Variants in SLC39A4 observed in about 807,000 individuals in gnomAD.
SLC39A4 encodes zinc transporter ZIP4.
Under a neutral mutation model 56.6 loss-of-function variants are expected in SLC39A4, and 49 were observed. That is an observed-to-expected ratio of 0.87 (90% CI 0.69 to 1.10). The LOEUF (loss-of-function observed/expected upper bound fraction) is 1.10, where lower values mean the gene tolerates loss of function less well. SLC39A4 is among the 50% of genes least tolerant of loss of function. The pLI is 0.00. For synonymous variants in SLC39A4, 540 were observed against 420.4 expected (o/e 1.28, Z -3.48); for missense variants, 993 against 864.2 (o/e 1.15, Z -1.87).
In SLC39A4 at chr8:144,414,028, A is replaced by T; in HGVS notation, c.1217T>A (p.Met406Lys). The T allele has an allele frequency of 6.3e-7, 1 of 1,594,488 alleles. No individual in the cohort carries two copies. The highest frequency in any genetic ancestry group is 8.5e-7 in the Non-Finnish European group (1 of 1,170,346). The change falls in exon 7 of 12, where the codon ATG becomes AAG. Residue 406 changes from methionine (M) to lysine (K), a missense_variant. By Grantham distance (95) the Met-to-Lys change is moderately conservative (BLOSUM62 -1). Coordinates refer to ENST00000301305, the MANE Select transcript of SLC39A4 (RefSeq NM_130849.4). Reference sequence around the variant, plus strand: ...GAAGAAGGCGTAGAGCCCGGCCAGCATAGCCAGGAGGCGCCAGGTGGGCTG... The same window carrying T: ...GAAGAAGGCGTAGAGCCCGGCCAGCTTAGCCAGGAGGCGCCAGGTGGGCTG... ...SPQPTWRLLAMLAGLYAFFLF... is the reference protein window; with the variant it reads ...SPQPTWRLLAKLAGLYAFFLF...
Position 144,414,910 on chromosome 8 carries a change from G to A in SLC39A4, c.805-14C>T. Reference sequence around the variant, plus strand: ...ACTCAGGCATACCTGGGGGGTGGCAGGACAGGCTCAGGGGCCCAAGCAGAC... The same window carrying A: ...ACTCAGGCATACCTGGGGGGTGGCAAGACAGGCTCAGGGGCCCAAGCAGAC... On this transcript the variant is annotated splice_polypyrimidine_tract_variant and intron_variant, in intron 4 of 11. Transcript: ENST00000301305. 6.2e-7 allele frequency: 1 copy of A among 1,613,202 alleles called. No homozygotes were observed. Among genetic ancestry groups the A allele is most frequent in the Non-Finnish European group, 8.5e-7 (1 of 1,179,930 alleles).
chr8:144,415,945 G>A lies in SLC39A4; in HGVS notation c.339C>T (p.Asp113=), dbSNP rs374534193. Reference sequence around the variant, plus strand: ...GAGAGGCCCAGAGGCCAGCCCGAGCGTCCTCACAGGTGCCCTCGGGGTTGC... The same window carrying A: ...GAGAGGCCCAGAGGCCAGCCCGAGCATCCTCACAGGTGCCCTCGGGGTTGC... ...YLSNPEGTCE[D]ARAGLWASHA... The change falls in exon 2 of 12, where the codon GAC becomes GAT. Residue 113 remains aspartate (D), a synonymous_variant. Coordinates refer to ENST00000301305, the MANE Select transcript of SLC39A4 (RefSeq NM_130849.4). The A allele has an allele frequency of 1.0e-4, 164 of 1,594,430 alleles. No homozygotes were observed. In the African/African-American group the frequency reaches 1.1e-3, roughly 11 times the overall value.
At position 144,413,806 on chromosome 8, in the gene SLC39A4, C is replaced by G. The variant is rs782432121; in HGVS notation, c.1363G>C (p.Ala455Pro). 22 of 1,569,520 alleles carry G rather than the reference C, an allele frequency of 1.4e-5. No individual in the cohort carries two copies. In the South Asian group the frequency reaches 2.4e-4, roughly 17 times the overall value. Reference sequence around the variant, plus strand: ...TTGGGCTGCCGGAGCTCGCTGGGTGCCAGCTGCAGGGACACACCGTGGCTG... The same window carrying G: ...TTGGGCTGCCGGAGCTCGCTGGGTGGCAGCTGCAGGGACACACCGTGGCTG... The part of the protein sequence containing the change: ...GHSHGVSLQL[A>P]PSELRQPKPP... Residue 455 changes from alanine to proline, a missense_variant, in exon 8 of 12, where the codon GCA (alanine) becomes CCA (proline). Physicochemically the swap from Ala to Pro is conservative, Grantham distance 27. Coordinates refer to ENST00000301305, the MANE Select transcript of SLC39A4 (RefSeq NM_130849.4).
chr8:144,415,274 T>G lies in SLC39A4; in HGVS notation c.620A>C (p.Asp207Ala). The change falls in exon 3 of 12, where the codon GAC (aspartate) becomes GCC (alanine). Residue 207 changes from aspartate (D) to alanine (A), a missense_variant. By Grantham distance (126) the Asp-to-Ala change is moderately radical (BLOSUM62 -2). Transcript: ENST00000301305. ...HALPSPQYFV[D>A]FVFQQHSSEV... ...GCTGCTGTGCTGCTGGAACACAAAG[T>G]CCACGAAGTACTGAGGGCTCGGCAA... 1 of 1,613,150 alleles carries G rather than the reference T, an allele frequency of 6.2e-7. No homozygotes were observed. The highest frequency in any genetic ancestry group is 8.5e-7 in the Non-Finnish European group (1 of 1,179,840).
At chr8:144,416,498 C>T (rs547797145) in intron 1 of SLC39A4, 100 bp downstream of exon 1, 59 of 1,492,328 alleles carry the variant, frequency 4.0e-5, no homozygotes, top group African/African-American at 5.5e-5. Flanking sequence ...TAGCCTCCTC[C>T]GCCTCCTGGA....
chr8:144,415,545 G>T (rs1554873692), intron 2 of SLC39A4, 126 bp from the exon 3 acceptor site: 2 of 1,236,190 alleles, frequency 1.6e-6, no homozygotes, highest in Non-Finnish European at 2.2e-6. Context: ...CCTCCCTGGA[G>T]CCACAGCCCT....
At chr8:144,414,652 G>A (rs1207752001) in intron 5 of SLC39A4, 73 bp downstream of exon 5, 2 of 1,587,620 alleles carry the variant, frequency 1.3e-6, no homozygotes, top group Admixed American at 3.4e-5. Flanking sequence ...CCCTCATCCT[G>A]GGCAGCCACT....
At chr8:144,413,070 C>T (rs1821959447) in intron 10 of SLC39A4, 124 bp from the exon 11 acceptor site, 1 of 1,467,328 alleles carries the variant, frequency 6.8e-7, no homozygotes, top group Admixed American at 2.0e-5. Flanking sequence ...GCCCAGCCGT[C>T]AGATCCCGCC....
rs1554871850 is a variant in SLC39A4 at position 144,412,659 on chromosome 8, G to A, written c.1823C>T (p.Ala608Val). The change falls in exon 12 of 12, where the codon GCG (alanine) becomes GTG (valine). Residue 608 changes from alanine to valine, a missense_variant. Transcript: ENST00000301305. Reference protein sequence around the residue: ...LYVALCDMLPAMLKVRDPRPW... With the variant: ...LYVALCDMLPVMLKVRDPRPW... ...CCGCGGGTCCCGTACTTTCAACATC[G>A]CCGGGAGCTGAGGAGCAAGTGGGCA... 1 of 1,613,892 alleles carries A rather than the reference G, an allele frequency of 6.2e-7. No individual in the cohort carries two copies. The highest frequency in any genetic ancestry group is 1.1e-5 in the South Asian group (1 of 91,080).
At position 144,414,412 on chromosome 8, in the gene SLC39A4, G is replaced by A. The variant is rs1554873073; in HGVS notation, c.999C>T (p.Ala333=). ...QSERYLYGSL[A]TLLICLCAVF... is the part of the protein sequence containing the mutation. ...CCGCGCAGAGGCAGATGAGCAGCGT[G>A]GCCAGGGAGCCGTACAGATACCCTG... Residue 333 remains alanine (A), a synonymous_variant, in exon 6 of 12, where the codon GCC becomes GCT. Coordinates refer to ENST00000301305, the MANE Select transcript of SLC39A4 (RefSeq NM_130849.4). 6.4e-7 allele frequency: 1 copy of A among 1,563,478 alleles called. No homozygotes were observed.
chr8:144,413,967 C>T lies in SLC39A4; in HGVS notation c.1278G>A (p.Arg426=), dbSNP rs782690024. Residue 426 remains arginine (R), a synonymous_variant, in exon 7 of 12, where the codon AGG becomes AGA. Transcript: ENST00000301305. ...FENLFNLLLP[R]DPEDLEDGPC... ...TCCCAAGAAGCCTGACCTCCGGGTC[C>T]CTGGGCAGCAGGAGATTGAAGAGGT... The T allele has an allele frequency of 6.2e-7, 1 of 1,610,580 alleles. No individual in the cohort carries two copies. The highest frequency in any genetic ancestry group is 1.1e-5 in the South Asian group (1 of 90,468).
rs988470738 is a variant in SLC39A4 at position 144,416,784 on chromosome 8, C to T, written c.6G>A (p.Ala2=). The change falls in exon 1 of 12, where the codon GCG becomes GCA. Residue 2 remains alanine, a synonymous_variant. Coordinates refer to ENST00000301305, the MANE Select transcript of SLC39A4 (RefSeq NM_130849.4). M[A]SLVSLELGLL... The stretch of plus-strand genomic sequence containing the variant: ...GCCCCAGCTCCAGCGAGACCAGGGA[C>T]GCCATACTCAGCTCCCAGCGTGCTC... The T allele has an allele frequency of 5.0e-6, 8 of 1,611,984 alleles. No individual in the cohort carries two copies. In the South Asian group the frequency reaches 5.5e-5, roughly 11 times the overall value.
In SLC39A4 at chr8:144,415,882, C is replaced by T; in HGVS notation, c.402G>A (p.Lys134=). 1 of 1,597,178 alleles carries T rather than the reference C, an allele frequency of 6.3e-7. No homozygotes were observed. Among genetic ancestry groups the T allele is most frequent in the Non-Finnish European group, 8.5e-7 (1 of 1,175,036 alleles). ...GCCAGCTCAGGCCCGGGGTCAGGGCCTTGGGGCTCTCGAGCAGGGCCAGGA... is the reference window on the plus strand; with the variant it reads ...GCCAGCTCAGGCCCGGGGTCAGGGCTTTGGGGCTCTCGAGCAGGGCCAGGA... ...DHLLALLESP[K]ALTPGLSWLL... is the part of the protein sequence containing the mutation. Residue 134 remains lysine, a synonymous_variant, in exon 2 of 12, where the codon AAG becomes AAA. Transcript: ENST00000301305.
chr8:144,413,287 C>G lies in SLC39A4; in HGVS notation c.1577G>C (p.Gly526Ala). 6.2e-7 allele frequency: 1 copy of G among 1,600,808 alleles called. No homozygotes were observed. The highest frequency in any genetic ancestry group is 8.5e-7 in the Non-Finnish European group (1 of 1,177,584). The part of the protein sequence containing the change: ...GAAFASSWKT[G>A]LATSLAVFCH... Reference sequence around the variant, plus strand: ...GAACACGGCCAGCGAGGTGGCCAGCCCGGTCTTCCAGGAGGACGCGAAGGC... The same window carrying G: ...GAACACGGCCAGCGAGGTGGCCAGCGCGGTCTTCCAGGAGGACGCGAAGGC... Residue 526 changes from glycine (G) to alanine (A), a missense_variant, in exon 10 of 12, where the codon GGG becomes GCG. Coordinates refer to ENST00000301305, the MANE Select transcript of SLC39A4 (RefSeq NM_130849.4).
chr8:144,415,172 C>T (rs954989006), intron 3 of SLC39A4, 55 bp downstream of exon 3: 62 of 1,612,620 alleles, frequency 3.8e-5, no homozygotes, highest in South Asian at 1.6e-4. Flanking sequence ...CCCCCAGGGA[C>T]GTGGAGGCTG....
rs782054395 is a variant in SLC39A4, at chr8:144,415,799, C to T, written c.474+11G>A. 4 of 1,591,814 alleles carry T rather than the reference C, an allele frequency of 2.5e-6. No individual in the cohort carries two copies. Among genetic ancestry groups the T allele is most frequent in the African/African-American group, 2.7e-5 (2 of 74,764 alleles). Reference sequence around the variant, plus strand: ...CACCCACTCCCCTGGTCTGCCTGGACTCTCCCTCACCATCTTGGGGGTCTG... The same window carrying T: ...CACCCACTCCCCTGGTCTGCCTGGATTCTCCCTCACCATCTTGGGGGTCTG... On this transcript the variant is annotated intron_variant, in intron 2 of 11. Coordinates refer to ENST00000301305, the MANE Select transcript of SLC39A4 (RefSeq NM_130849.4).
At chr8:144,413,006 T>C in intron 10 of SLC39A4, 60 bp from the exon 11 acceptor site, 3 of 1,532,334 alleles carry the variant, frequency 2.0e-6, no homozygotes, top group Middle Eastern at 2.3e-4. Flanking sequence ...GCCCACCTCC[T>C]TTCGGTCCCG....
chr8:144,415,269 C>T lies in SLC39A4; in HGVS notation c.625G>A (p.Val209Met), dbSNP rs782316174. ...LPSPQYFVDF[V>M]FQQHSSEVPM... ...ACCTCGCTGCTGTGCTGCTGGAACACAAAGTCCACGAAGTACTGAGGGCTC... is the reference window on the plus strand; with the variant it reads ...ACCTCGCTGCTGTGCTGCTGGAACATAAAGTCCACGAAGTACTGAGGGCTC... The change falls in exon 3 of 12, where the codon GTG becomes ATG. Residue 209 changes from valine (V) to methionine (M), a missense_variant. Coordinates refer to ENST00000301305, the MANE Select transcript of SLC39A4 (RefSeq NM_130849.4). 1.9e-6 allele frequency: 3 copies of T among 1,613,176 alleles called. No individual in the cohort carries two copies. Among genetic ancestry groups the T allele is most frequent in the East Asian group, 4.5e-5 (2 of 44,888 alleles).
At position 144,416,720 on chromosome 8, in the gene SLC39A4, G is replaced by A. The variant is rs61741459; in HGVS notation, c.70C>T (p.Pro24Ser). Residue 24 changes from proline to serine, a missense_variant, in exon 1 of 12, where the codon CCG (proline) becomes TCG (serine). Transcript: ENST00000301305. ...AGCAGGCTCAGCAGACCAGCAGGCGGGGACGCCGTCGCCGTCACCACCAGC... is the reference window on the plus strand; with the variant it reads ...AGCAGGCTCAGCAGACCAGCAGGCGAGGACGCCGTCGCCGTCACCACCAGC... ...AVLVVTATAS[P>S]PAGLLSLLTS... 4 of 1,612,560 alleles carry A rather than the reference G, an allele frequency of 2.5e-6. No homozygotes were observed. The highest frequency in any genetic ancestry group is 1.1e-5 in the South Asian group (1 of 91,046).
Sources: allele counts gnomAD v4.1 joint callset, GRCh38; gene constraint gnomAD v4.1.1; transcripts MANE v1.5; gene names NCBI Gene and HGNC (gene_info 2026-07-23, HGNC 2026-07-21).